Variants in PLA2G2C observed in about 807,000 individuals in gnomAD.
PLA2G2C encodes phospholipase A2 group IIC, also known as putative inactive group IIC secretory phospholipase A2.
A neutral mutation model predicts 14.3 loss-of-function variants in PLA2G2C; 15 were observed. The ratio of observed to expected loss-of-function variants is 1.05; its 90% confidence interval spans 0.70 to 1.62. The LOEUF (loss-of-function observed/expected upper bound fraction) is 1.62. Among genes scored for constraint, PLA2G2C ranks in the 40% most tolerant of loss-of-function variants. PLA2G2C has a pLI of 0.00. For synonymous variants in PLA2G2C, 79 were observed against 67.7 expected (o/e 1.17, Z -0.82); for missense variants, 162 against 173.2 (o/e 0.94, Z 0.36).
chr1:20,170,826 G>C (rs2018061067), intron 4 of PLA2G2C, among the ~76,000 whole-genome samples: 1 of 141,524 alleles, frequency 7.1e-6, no homozygotes, highest in African/African-American at 2.7e-5. Context: ...CTCTGAAGGG[G>C]CAACGTGGGA....
At chr1:20,175,949 A>C (rs1483228376) in intron 2 of PLA2G2C, among the ~76,000 whole-genome samples, 1 of 135,834 alleles carries the variant, frequency 7.4e-6, no homozygotes, top group Non-Finnish European at 1.6e-5. Context: ...CGCTGTTGTT[A>C]CCCAGGCTGG....
intron 1 of PLA2G2C, among the ~76,000 whole-genome samples, chr1:20,178,032 G>A (rs919073693): frequency 7.2e-5 from 11 of 152,264 alleles, no homozygotes; most frequent in Admixed American, 2.0e-4. Flanking sequence ...ACCCAGAGAG[G>A]GTGAACAAAT....
At chr1:20,181,265 TATC>T (rs1369777724) in intron 1 of PLA2G2C, among the ~76,000 whole-genome samples, 2 of 152,090 alleles carry the variant, frequency 1.3e-5, no homozygotes, top group Non-Finnish European at 2.9e-5. Context: ...TTAAGAGTCT[TATC>T]ATACTTCAAG....
In PLA2G2C at chr1:20,175,150, C is replaced by T. The variant is rs1174913530; in HGVS notation, c.41-5G>A. 2.5e-6 allele frequency: 4 copies of T among 1,613,630 alleles called. No individual in the cohort carries two copies. Among genetic ancestry groups the T allele is most frequent in the Non-Finnish European group, 2.5e-6 (3 of 1,179,868 alleles). ...AGAAACTGCTGTGGGTGGGGGCTGC[C>T]ACCACCGATGAGAAAAAAAGGAAGA... On this transcript the variant is annotated splice_polypyrimidine_tract_variant and splice_region_variant and intron_variant, in intron 2 of 4. Coordinates refer to ENST00000679259, the MANE Select transcript of PLA2G2C (RefSeq NM_001367969.2).
chr1:20,174,945 G>T, intron 3 of PLA2G2C, 62 bp downstream of exon 3: 1 of 1,473,352 alleles, frequency 6.8e-7, no homozygotes, highest in Non-Finnish European at 9.2e-7. Context: ...CCTCTCTCTG[G>T]CTTTGAGCAT....
intron 3 of PLA2G2C, among the ~76,000 whole-genome samples, chr1:20,174,195 C>T (rs529858257): frequency 1.3e-5 from 2 of 152,284 alleles, no homozygotes; most frequent in South Asian, 4.2e-4. Context: ...CCACAAGACT[C>T]GAGCTCCAGG....
intron 4 of PLA2G2C, among the ~76,000 whole-genome samples, chr1:20,169,720 A>T (rs2018037254): frequency 6.6e-6 from 1 of 152,220 alleles, no homozygotes; most frequent in Non-Finnish European, 1.5e-5. Flanking sequence ...CAGCCTTATG[A>T]AGTACAGGCG....
At chr1:20,184,032 C>A (rs1286271234) in intron 1 of PLA2G2C, among the ~76,000 whole-genome samples, 1 of 152,240 alleles carries the variant, frequency 6.6e-6, no homozygotes, top group East Asian at 1.9e-4. Flanking sequence ...CAGCAATGGA[C>A]TGGCGCCTTC....
chr1:20,175,132 G>A lies in PLA2G2C; in HGVS notation c.54C>T (p.Ser18=). 1 of 1,613,944 alleles carries A rather than the reference G, an allele frequency of 6.2e-7. No homozygotes were observed. The highest frequency in any genetic ancestry group is 8.5e-7 in the Non-Finnish European group (1 of 1,179,890). ...TLLLFCSPTH[S]SFWQFQRRVK... ...CCCTCCTCTGAAACTGCCAGAAACTGCTGTGGGTGGGGGCTGCCACCACCG... is the reference window on the plus strand; with the variant it reads ...CCCTCCTCTGAAACTGCCAGAAACTACTGTGGGTGGGGGCTGCCACCACCG... The change falls in exon 3 of 5, where the codon AGC becomes AGT. Residue 18 remains serine, a synonymous_variant. Coordinates refer to ENST00000679259, the MANE Select transcript of PLA2G2C (RefSeq NM_001367969.2).
rs547009200 is a variant in PLA2G2C at position 20,163,584 on chromosome 1, G to C, written c.*407C>G. 3.2e-5 allele frequency: 5 copies of C among 157,670 alleles called. 1 individual carries two copies. The highest frequency in any genetic ancestry group is 1.2e-4 in the African/African-American group (5 of 41,718). 9.8% of individuals were successfully genotyped at this position (157,670 alleles called of 1,614,324 possible). A position where few individuals can be genotyped will look rare whatever the true frequency, so the allele number is the denominator to read the frequency against. On this transcript the variant is annotated 3_prime_UTR_variant, in exon 5 of 5. Coordinates refer to ENST00000679259, the MANE Select transcript of PLA2G2C (RefSeq NM_001367969.2). Reference sequence around the variant, plus strand: ...CCGGTTTGCAGTGGGGGTGAAGAGAGAGTTTGGGGTAGATCCTGGGGCTTC... The same window carrying C: ...CCGGTTTGCAGTGGGGGTGAAGAGACAGTTTGGGGTAGATCCTGGGGCTTC...
chr1:20,164,016 C>A lies in PLA2G2C; in HGVS notation c.425G>T (p.Cys142Phe), dbSNP rs757643533. ...CTAGCACCAGGGCTTATGTCTGCCA[C>A]ACCTGGGCTGGCTGGAGAACTGCTT... is the stretch of plus-strand genomic sequence containing the variant. ...NFKQFSSQPR[C>F]GRHKPWC Residue 142 changes from cysteine (C) to phenylalanine (F), a missense_variant, in exon 5 of 5, where the codon TGT becomes TTT. Cys to Phe is a radical substitution (Grantham distance 205). Coordinates refer to ENST00000679259, the MANE Select transcript of PLA2G2C (RefSeq NM_001367969.2). 1.4e-5 allele frequency: 23 copies of A among 1,613,334 alleles called. 1 individual carries two copies. The South Asian group carries it at 2.5e-4, about 18-fold the overall frequency.
At chr1:20,164,741 G>A (rs79817508) in intron 4 of PLA2G2C, among the ~76,000 whole-genome samples, 7,293 of 152,318 alleles carry the variant, frequency 0.048, 198 homozygotes, top group South Asian at 0.06. Context: ...CTGTGAGCCC[G>A]TGATTCACCC....
intron 4 of PLA2G2C, among the ~76,000 whole-genome samples, chr1:20,167,585 A>G (rs560124744): frequency 6.6e-6 from 1 of 152,300 alleles, no homozygotes; most frequent in Admixed American, 6.5e-5. Flanking sequence ...GTGCTTTGCA[A>G]CAGTCCCCTA....
chr1:20,184,972 G>A (rs2018341991), intron 1 of PLA2G2C, among the ~76,000 whole-genome samples: 1 of 152,166 alleles, frequency 6.6e-6, no homozygotes, highest in East Asian at 1.9e-4. Context: ...TCAGCAACAT[G>A]GCAGAACCCC....
At chr1:20,182,663 C>A (rs1036696237) in intron 1 of PLA2G2C, among the ~76,000 whole-genome samples, 2 of 152,272 alleles carry the variant, frequency 1.3e-5, no homozygotes, top group Non-Finnish European at 1.5e-5. Flanking sequence ...GGAGCCATGA[C>A]TAACTGCCAG....
At position 20,172,777 on chromosome 1, in the gene PLA2G2C, C is replaced by T. The variant is rs762291307; in HGVS notation, c.283+17G>A. ...GCCCAGGTTAAAAGACATTTCCATACAGAAAAGGCTACTCACAAACCACTG... is the reference window on the plus strand; with the variant it reads ...GCCCAGGTTAAAAGACATTTCCATATAGAAAAGGCTACTCACAAACCACTG... On this transcript the variant is annotated intron_variant, in intron 4 of 4. Transcript: ENST00000679259. The T allele has an allele frequency of 6.2e-7, 1 of 1,600,038 alleles. No individual in the cohort carries two copies.
At chr1:20,172,326 G>A (rs2018097022) in intron 4 of PLA2G2C, among the ~76,000 whole-genome samples, 1 of 152,026 alleles carries the variant, frequency 6.6e-6, no homozygotes, top group Non-Finnish European at 1.5e-5. Context: ...TCAGTAACAT[G>A]TGAGTCCCCC....
At chr1:20,167,603 CCTT>C (rs1210665596) in intron 4 of PLA2G2C, among the ~76,000 whole-genome samples, 1 of 152,168 alleles carries the variant, frequency 6.6e-6, no homozygotes, top group African/African-American at 2.4e-5. Context: ...CTAATGAGGC[CCTT>C]CTTTCCTCCT....
intron 1 of PLA2G2C, chr1:20,184,441 T>C (rs2018331530): frequency 6.6e-6 from 1 of 152,218 alleles, no homozygotes; most frequent in Non-Finnish European, 1.5e-5. Flanking sequence ...CTTTTACACA[T>C]TCCGAGGGCC....
Sources: gnomAD v4.1 joint callset for allele counts (sites outside exome capture counted in the v4.1 genomes callset) on GRCh38, gnomAD v4.1.1 for gene constraint, MANE v1.5 for transcripts, NCBI Gene and HGNC (gene_info 2026-07-23, HGNC 2026-07-21) for gene names.